Variants in C10orf90 observed in about 807,000 individuals in gnomAD.
C10orf90 encodes the protein (E2-independent) E3 ubiquitin-conjugating enzyme FATS.
A neutral mutation model predicts 62.5 loss-of-function variants in C10orf90; 56 were observed. That is an observed-to-expected ratio of 0.90 (90% CI 0.72 to 1.12). The LOEUF (loss-of-function observed/expected upper bound fraction) is 1.12, where lower values mean the gene tolerates loss of function less well. Among genes scored for constraint, C10orf90 ranks in the 50% most tolerant of loss-of-function variants. The pLI is 0.00. For missense variants in C10orf90, 970 were observed against 880.4 expected, an observed-to-expected ratio of 1.10 and a Z score of -1.29; for synonymous variants, 386 against 340.4, an observed-to-expected ratio of 1.13 and a Z score of -1.47.
At chr10:126,447,091 A>T (rs1858832594) in intron 7 of C10orf90, among the ~76,000 whole-genome samples, 1 of 152,142 alleles carries the variant, frequency 6.6e-6, no homozygotes, top group Admixed American at 6.5e-5. Context: ...ATAAAGGAAG[A>T]CATCGACAAA....
rs558036972 is a variant in C10orf90 at position 126,453,761 on chromosome 10, G to A, written c.2188+5279C>T. Among the ~76,000 whole-genome samples the A allele has an allele frequency of 6.6e-6, 1 of 152,282 alleles. No homozygotes were observed. Among genetic ancestry groups the A allele is most frequent in the East Asian group, 1.9e-4 (1 of 5,172 alleles). ...TACAGGAAGCACAGGAAAGGGTCTG[G>A]GGGTAAGAGATGAATAAAAAGGCTG... On this transcript the variant is annotated intron_variant, in intron 7 of 9. Transcript: ENST00000488181. The surrounding 1 kb of genome is among the most constrained non-coding windows in gnomAD (Gnocchi z 4.9).
At chr10:126,513,785 T>A in intron 3 of C10orf90, 63 bp downstream of exon 3, 1 of 1,025,426 alleles carries the variant, frequency 9.8e-7, no homozygotes. Context: ...AGTAGGTCAG[T>A]GATTATATTT....
At chr10:126,517,161 T>C (rs1453059082) in intron 2 of C10orf90, among the ~76,000 whole-genome samples, 1 of 152,198 alleles carries the variant, frequency 6.6e-6, no homozygotes, top group Admixed American at 6.5e-5. Context: ...TGGAGGTAGA[T>C]GTGTTGGATG....
At chr10:126,513,755 T>C in intron 3 of C10orf90, 93 bp downstream of exon 3, 1 of 751,698 alleles carries the variant, frequency 1.3e-6, no homozygotes, top group Non-Finnish European at 2.3e-6. Flanking sequence ...CTAAATAAAA[T>C]AAAATGCAAT....
Position 126,444,397 on chromosome 10 carries a change from A to C in C10orf90, c.2189-14547T>G, listed in dbSNP as rs370409513. On this transcript the variant is annotated intron_variant, in intron 7 of 9. Transcript: ENST00000488181. Reference sequence around the variant, plus strand: ...ACAAGAGCGACCAAGCAGAGAATCAAATCAAGAGCTCAACCCCTTTTACAA... The same window carrying C: ...ACAAGAGCGACCAAGCAGAGAATCACATCAAGAGCTCAACCCCTTTTACAA... Among the ~76,000 whole-genome samples, 54 of 152,264 alleles carry C rather than the reference A, an allele frequency of 3.5e-4. 1 individual carries two copies. The South Asian group carries it at 7.3e-3, about 20-fold the overall frequency.
intron 2 of C10orf90, among the ~76,000 whole-genome samples, chr10:126,575,372 G>A (rs900699768): frequency 5.9e-5 from 9 of 151,966 alleles, no homozygotes; most frequent in Non-Finnish European, 1.0e-4. Context: ...AACCAAGGAA[G>A]TGAAAGACCT....
intron 2 of C10orf90, chr10:126,521,542 A>G (rs1411988751): frequency 2.7e-6 from 3 of 1,125,230 alleles, no homozygotes; most frequent in South Asian, 2.3e-5. Flanking sequence ...GAGGTGGCAT[A>G]CAAGCCCACC....
intron 2 of C10orf90, among the ~76,000 whole-genome samples, chr10:126,560,202 G>T (rs577719926): frequency 6.6e-6 from 1 of 152,072 alleles, no homozygotes; most frequent in Non-Finnish European, 1.5e-5. Context: ...AATAATCCCC[G>T]CAACCTCAGT....
chr10:126,450,204 AAAGT>A (rs374886842), intron 7 of C10orf90, among the ~76,000 whole-genome samples: 35 of 152,290 alleles, frequency 2.3e-4, no homozygotes, highest in African/African-American at 8.2e-4. Context: ...CAAGAAGTAA[AAAGT>A]AAGAGTAAAA....
intron 4 of C10orf90, among the ~76,000 whole-genome samples, chr10:126,498,182 G>A (rs1021760912): frequency 2.6e-5 from 4 of 152,258 alleles, no homozygotes; most frequent in South Asian, 4.2e-4. Context: ...GGGTAGAGGC[G>A]GCTCCAGAAA....
intron 2 of C10orf90, among the ~76,000 whole-genome samples, chr10:126,576,394 T>G (rs2134009401): frequency 6.6e-6 from 1 of 152,014 alleles, no homozygotes; most frequent in South Asian, 2.1e-4. Context: ...TTAAAATGGC[T>G]ACTATCAAAA....
intron 4 of C10orf90, among the ~76,000 whole-genome samples, chr10:126,497,417 A>T (rs1162287507): frequency 1.3e-5 from 2 of 152,200 alleles, no homozygotes; most frequent in African/African-American, 4.8e-5. Context: ...CAACGCAAGG[A>T]GGCTGACAGC....
intron 2 of C10orf90, among the ~76,000 whole-genome samples, chr10:126,607,186 A>G (rs1384326244): frequency 6.6e-6 from 1 of 152,228 alleles, no homozygotes; most frequent in East Asian, 1.9e-4. Flanking sequence ...TTACTTATAC[A>G]CTTAAACAAC....
intron 4 of C10orf90, among the ~76,000 whole-genome samples, chr10:126,477,149 C>T (rs1462077465): frequency 9.1e-6 from 1 of 109,988 alleles, no homozygotes; most frequent in Non-Finnish European, 1.7e-5. Context: ...AGAAGGCAAA[C>T]TTGTGACATT....
chr10:126,441,470 A>G (rs1858322911), intron 7 of C10orf90, among the ~76,000 whole-genome samples: 1 of 152,174 alleles, frequency 6.6e-6, no homozygotes. Flanking sequence ...TGGGGGAATA[A>G]TCGAGGAAAA....
chr10:126,573,783 G>A (rs1303157368), intron 2 of C10orf90, among the ~76,000 whole-genome samples: 6 of 152,156 alleles, frequency 3.9e-5, no homozygotes, highest in Non-Finnish European at 8.8e-5. Flanking sequence ...AGTCTGGCAT[G>A]AGGAAACTCA....
At chr10:126,536,170 A>G (rs1864230574) in intron 2 of C10orf90, among the ~76,000 whole-genome samples, 1 of 152,120 alleles carries the variant, frequency 6.6e-6, no homozygotes. Context: ...CATTGGATGC[A>G]AGATGCCCGC....
At chr10:126,610,880 C>T (rs1365278029) in intron 2 of C10orf90, among the ~76,000 whole-genome samples, 1 of 152,176 alleles carries the variant, frequency 6.6e-6, no homozygotes, top group Non-Finnish European at 1.5e-5. Flanking sequence ...CCACACTCCC[C>T]AGACACAACT....
intron 2 of C10orf90, among the ~76,000 whole-genome samples, chr10:126,601,239 C>T (rs1341408710): frequency 6.6e-6 from 1 of 152,170 alleles, no homozygotes; most frequent in Admixed American, 6.5e-5. Context: ...CAAACCAGCA[C>T]ATGTGTGGGA....
Sources: gnomAD v4.1 joint callset for allele counts (sites outside exome capture counted in the v4.1 genomes callset) on GRCh38, gnomAD v4.1.1 for gene constraint, Gnocchi (gnomAD v3.1) non-coding constraint, MANE v1.5 for transcripts, NCBI Gene and HGNC (gene_info 2026-07-23, HGNC 2026-07-21) for gene names.